HTATSF1: variants seen among roughly 807,000 people sequenced by gnomAD.
The protein encoded by HTATSF1 is 17S U2 SnRNP complex component HTATSF1.
HTATSF1 carries 6 observed loss-of-function variants against 46.1 expected under a neutral mutation model. That is an observed-to-expected ratio of 0.13 (90% confidence interval 0.07 to 0.26). The LOEUF (loss-of-function observed/expected upper bound fraction) is 0.26. Ranked by LOEUF, HTATSF1 falls within the 10% of genes least tolerant of loss-of-function variation. The pLI is 1.00. For synonymous variants in HTATSF1, 226 were observed against 211.5 expected (o/e 1.07, Z -0.60); for missense variants, 452 against 559.9 (o/e 0.81, Z 1.94).
In HTATSF1 at chrX:136,497,815, A is replaced by G. The variant is rs1209453073; in HGVS notation, c.131A>G (p.Gln44Arg). ...GGAGAACCCGATTCTCTCGGGCAGCAGCCGACGGACACTCCCTACGAGTGG... is the reference window on the plus strand; with the variant it reads ...GGAGAACCCGATTCTCTCGGGCAGCGGCCGACGGACACTCCCTACGAGTGG... Reference protein sequence around the residue: ...AGGEPDSLGQQPTDTPYEWDL... With the variant: ...AGGEPDSLGQRPTDTPYEWDL... Residue 44 changes from glutamine (Q) to arginine (R), a missense_variant, in exon 1 of 9, where the codon CAG (glutamine) becomes CGG (arginine). This residue lies in a region of HTATSF1 where 89 missense variants were observed against 92.3 expected (regional missense o/e 0.96). Coordinates refer to ENST00000218364, the MANE Select transcript of HTATSF1 (RefSeq NM_014500.5). 1.7e-6 allele frequency: 2 copies of G among 1,196,147 alleles called. No individual in the cohort carries two copies.
At chrX:136,510,745 A>G in intron 8 of HTATSF1, 63 bp from the exon 9 acceptor site, 1 of 1,083,368 alleles carries the variant, frequency 9.2e-7, no homozygotes, top group Non-Finnish European at 1.2e-6. Flanking sequence ...AATATTAGAT[A>G]TGTTCAGAGA....
chrX:136,507,796 CTG>C (rs1210865369), intron 6 of HTATSF1, among the ~76,000 whole-genome samples: 4 of 111,183 alleles, frequency 3.6e-5, no homozygotes, highest in African/African-American at 1.3e-4. Context: ...GTACAAAAGT[CTG>C]TGCTATTTTC....
chrX:136,510,154 G>A lies in HTATSF1; in HGVS notation c.997G>A (p.Asp333Asn), dbSNP rs201854701. The A allele has an allele frequency of 4.3e-5, 52 of 1,207,842 alleles. No individual in the cohort carries two copies. The highest frequency in any genetic ancestry group is 1.9e-5 in the Non-Finnish European group (17 of 893,665). ...AGCTGATTATTGTATTCAGACTCTC[G>A]ATGGAAGATGGTTTGGTGGCCGTCA... ...EEADYCIQTL[D>N]GRWFGGRQIT... is the part of the protein sequence containing the mutation. Residue 333 changes from aspartate to asparagine, a missense_variant, in exon 8 of 9, where the codon GAT becomes AAT. Physicochemically the swap from Asp to Asn is conservative, Grantham distance 23. Around this residue, in one of 3 missense-constraint regions of HTATSF1, gnomAD observed 117 missense variants for 222.2 expected, o/e 0.53. Coordinates refer to ENST00000218364, the MANE Select transcript of HTATSF1 (RefSeq NM_014500.5).
At chrX:136,508,087 C>T in intron 6 of HTATSF1, among the ~76,000 whole-genome samples, 2 of 112,072 alleles carry the variant, frequency 1.8e-5, no homozygotes, top group Middle Eastern at 4.6e-3. Context: ...TATTTTAAAT[C>T]AGATTTCAGT....
intron 5 of HTATSF1, 117 bp downstream of exon 5, chrX:136,503,058 T>G: frequency 2.4e-6 from 1 of 416,327 alleles, no homozygotes; most frequent in Non-Finnish European, 3.8e-6. Flanking sequence ...AATAATTTCA[T>G]TAGCTCATCA....
chrX:136,507,520 C>T (rs2075747528), intron 6 of HTATSF1, among the ~76,000 whole-genome samples: 1 of 108,001 alleles, frequency 9.3e-6, no homozygotes, highest in African/African-American at 3.4e-5. Context: ...AAGATCGCGC[C>T]ACTGCACTCC....
chrX:136,512,302 A>G lies in HTATSF1; in HGVS notation c.*289A>G. ...TTAAGAGTATTGATTGAAGTTTGTG[A>G]TATTCATCAATAAAAATGAGTTGAT... is the stretch of plus-strand genomic sequence containing the variant. On this transcript the variant is annotated 3_prime_UTR_variant, in exon 9 of 9. Transcript: ENST00000218364. 1 of 211,339 alleles carries G rather than the reference A, an allele frequency of 4.7e-6. No homozygotes were observed. Among genetic ancestry groups the G allele is most frequent in the Non-Finnish European group, 8.6e-6 (1 of 116,243 alleles). The allele number at this position is 211,339 out of a possible 1,213,427, so 17.4% of individuals were successfully genotyped here.
At chrX:136,501,968 G>A (rs2075720317) in intron 4 of HTATSF1, among the ~76,000 whole-genome samples, 1 of 111,664 alleles carries the variant, frequency 9.0e-6, no homozygotes, top group Non-Finnish European at 1.9e-5. Flanking sequence ...GAGACCCATA[G>A]AAGTACAAGA....
Position 136,502,772 on chromosome X carries a change from A to T in HTATSF1, c.571-6A>T. ...ACTGACTATATTTTGTCTTACATTT[A>T]TAAAGAGAGAATCTGTGGAACTTGC... On this transcript the variant is annotated splice_polypyrimidine_tract_variant and splice_region_variant and intron_variant, in intron 4 of 8. Transcript: ENST00000218364. 1 of 1,117,457 alleles carries T rather than the reference A, an allele frequency of 8.9e-7. No homozygotes were observed. Among genetic ancestry groups the T allele is most frequent in the Non-Finnish European group, 1.2e-6 (1 of 840,462 alleles). The allele number at this position is 1,117,457 out of a possible 1,213,427, so 92.1% of individuals were successfully genotyped here. A position where few individuals can be genotyped will look rare whatever the true frequency, so the allele number is the denominator to read the frequency against.
chrX:136,497,767 G>A lies in HTATSF1; in HGVS notation c.83G>A (p.Gly28Asp). 8.3e-7 allele frequency: 1 copy of A among 1,205,129 alleles called. No individual in the cohort carries two copies. The highest frequency in any genetic ancestry group is 1.1e-6 in the Non-Finnish European group (1 of 890,486). The change falls in exon 1 of 9, where the codon GGT (glycine) becomes GAT (aspartate). Residue 28 changes from glycine to aspartate, a missense_variant. Coordinates refer to ENST00000218364, the MANE Select transcript of HTATSF1 (RefSeq NM_014500.5). ...MQELYGDGKD[G>D]DTQTDAGGEP... Reference sequence around the variant, plus strand: ...GAATTGTACGGAGACGGCAAGGATGGTGACACCCAGACCGATGCCGGCGGA... The same window carrying A: ...GAATTGTACGGAGACGGCAAGGATGATGACACCCAGACCGATGCCGGCGGA...
At chrX:136,506,025 G>A (rs2075740656) in intron 6 of HTATSF1, among the ~76,000 whole-genome samples, 1 of 111,916 alleles carries the variant, frequency 8.9e-6, no homozygotes, top group Non-Finnish European at 1.9e-5. Flanking sequence ...AAGTGTGAAT[G>A]TAAATGCAAA....
At chrX:136,497,501 G>C (rs1256923569), upstream of HTATSF1, 2 of 267,702 alleles carry the variant, frequency 7.5e-6, no homozygotes, top group Non-Finnish European at 1.3e-5. Flanking sequence ...CGGGCAGAGA[G>C]GGGGGCGGTG....
intron 7 of HTATSF1, among the ~76,000 whole-genome samples, chrX:136,509,390 C>T (rs958019869): frequency 9.0e-6 from 1 of 111,714 alleles, no homozygotes; most frequent in Non-Finnish European, 1.9e-5. Flanking sequence ...GCTTATTTTC[C>T]GTCTTCATTA....
intron 4 of HTATSF1, among the ~76,000 whole-genome samples, chrX:136,501,711 G>A (rs2075719119): frequency 8.9e-6 from 1 of 112,282 alleles, no homozygotes; most frequent in South Asian, 3.7e-4. Flanking sequence ...CAGTATTCCA[G>A]TGAGATCAGA....
At chrX:136,497,251 C>T (rs1399634542), upstream of HTATSF1, 1 of 112,885 alleles carries the variant, frequency 8.9e-6, no homozygotes, top group Admixed American at 9.2e-5. Context: ...CGCCACGCGC[C>T]GACAATGGCG....
In HTATSF1 at chrX:136,505,112, T is replaced by G. The variant is rs1415221608; in HGVS notation, c.834+649T>G. On this transcript the variant is annotated intron_variant, in intron 6 of 8. Transcript: ENST00000218364. ...CTCTGTCTACTGGTGTAGACTGACT[T>G]TATTGTTGTGGAGAAACAACTCTTT... 4.5e-5 allele frequency among the ~76,000 whole-genome samples: 5 copies of G among 112,241 alleles called. No individual in the cohort carries two copies. In the East Asian group the frequency reaches 1.4e-3, roughly 31 times the overall value.
At chrX:136,499,840 A>T in intron 2 of HTATSF1, 62 bp downstream of exon 2, 1 of 889,922 alleles carries the variant, frequency 1.1e-6, no homozygotes. Flanking sequence ...GTGCATAGGT[A>T]CAGTTGCTTT....
At position 136,510,795 on chromosome X, in the gene HTATSF1, C is replaced by T; in HGVS notation, c.1063-13C>T. The T allele has an allele frequency of 8.5e-7, 1 of 1,173,466 alleles. No homozygotes were observed. Among genetic ancestry groups the T allele is most frequent in the Non-Finnish European group, 1.1e-6 (1 of 880,461 alleles). ...TGAAACTTATTTTAATGGCAGTCTC[C>T]ATTTATCCACAGGTGGAGGAAACCT... On this transcript the variant is annotated splice_polypyrimidine_tract_variant and intron_variant, in intron 8 of 8. Transcript: ENST00000218364.
chrX:136,510,707 T>TG (rs1399990789), intron 8 of HTATSF1, 101 bp from the exon 9 acceptor site: 1 of 900,632 alleles, frequency 1.1e-6, no homozygotes, highest in East Asian at 3.3e-5. Context: ...TAATAAGAGA[T>TG]GCTTTATAAA....
Sources: allele counts gnomAD v4.1 joint callset (sites outside exome capture counted in the v4.1 genomes callset), GRCh38; gene constraint gnomAD v4.1.1; regional missense constraint gnomAD v4.1.1; transcripts MANE v1.5; gene names NCBI Gene and HGNC (gene_info 2026-07-23, HGNC 2026-07-21).